Variants in UBN2 observed in about 807,000 individuals in gnomAD.
The protein encoded by UBN2 is ubinuclein 2, also known as ubinuclein-2.
Under a neutral mutation model 120.2 loss-of-function variants are expected in UBN2, and 35 were observed. The observed-to-expected ratio is 0.29, with a 90% confidence interval of 0.22 to 0.39. The LOEUF (loss-of-function observed/expected upper bound fraction) is 0.39. Among genes scored for constraint, UBN2 ranks in the 10% least tolerant of loss-of-function variants. UBN2 has a pLI of 1.00. For synonymous variants in UBN2, 661 were observed against 648.7 expected (o/e 1.02, Z -0.29); for missense variants, 1,693 against 1,663.2 (o/e 1.02, Z -0.31).
intron 15 of UBN2, among the ~76,000 whole-genome samples, chr7:139,289,547 G>A (rs1369024100): frequency 2.0e-5 from 3 of 151,776 alleles, no homozygotes; most frequent in African/African-American, 7.3e-5. Flanking sequence ...AAGTACCTGG[G>A]ATTACAGGCA....
intron 15 of UBN2, among the ~76,000 whole-genome samples, chr7:139,287,694 C>A (rs376584353): frequency 6.9e-6 from 1 of 144,400 alleles, no homozygotes; most frequent in East Asian, 2.0e-4. Flanking sequence ...TTCTGTCTTA[C>A]TGGTTTGACT....
chr7:139,241,246 C>CA (rs1297036240), intron 2 of UBN2, among the ~76,000 whole-genome samples: 1 of 152,118 alleles, frequency 6.6e-6, no homozygotes, highest in African/African-American at 2.4e-5. Flanking sequence ...TCCATTACCC[C>CA]AGCCGTTCTG....
chr7:139,291,374 A>C (rs1252768274), intron 15 of UBN2, among the ~76,000 whole-genome samples: 3 of 151,350 alleles, frequency 2.0e-5, no homozygotes, highest in Non-Finnish European at 2.9e-5. Flanking sequence ...AAAAAAAAAA[A>C]AAAAAAAACA....
At chr7:139,273,515 GATT>G in intron 10 of UBN2, 105 bp downstream of exon 10, 1 of 762,142 alleles carries the variant, frequency 1.3e-6, no homozygotes, top group African/African-American at 1.8e-5. Context: ...AGCAACCAAA[GATT>G]AGTGTGTAGG....
chr7:139,295,482 A>G (rs1798083911), intron 17 of UBN2, among the ~76,000 whole-genome samples: 1 of 152,188 alleles, frequency 6.6e-6, no homozygotes, highest in East Asian at 1.9e-4. Context: ...CAAGGAATTA[A>G]ACAAGCAGGA....
At chr7:139,329,186 A>AT in the UBN2 span, among the ~76,000 whole-genome samples, 864 of 134,756 alleles carry the variant, frequency 6.4e-3, 2 homozygotes, top group African/African-American at 9.2e-3. Flanking sequence ...TGAGCAAAAG[A>AT]TTTTTTTTTT....
At chr7:139,235,479 C>A (rs1208073278) in intron 1 of UBN2, among the ~76,000 whole-genome samples, 1 of 152,146 alleles carries the variant, frequency 6.6e-6, no homozygotes, top group Non-Finnish European at 1.5e-5. Flanking sequence ...CATCTCAGCT[C>A]ACTTGCAACT....
At chr7:139,261,048 G>A (rs1796915731) in intron 5 of UBN2, among the ~76,000 whole-genome samples, 1 of 152,086 alleles carries the variant, frequency 6.6e-6, no homozygotes, top group Non-Finnish European at 1.5e-5. Context: ...CACTGTAATG[G>A]CCATTTACCT....
intron 2 of UBN2, among the ~76,000 whole-genome samples, chr7:139,239,068 T>C (rs1796239945): frequency 6.6e-6 from 1 of 152,190 alleles, no homozygotes; most frequent in Non-Finnish European, 1.5e-5. Flanking sequence ...AAATCTTCCT[T>C]TTATTGTATT....
rs529019041 is a variant in UBN2 at position 139,247,578 on chromosome 7, G to A, written c.562-4378G>A. ...AGTTACTTGTCCTTTCCTAGCCTTC[G>A]TTTTCCCCATTTGTCAAATGTGAAA... On this transcript the variant is annotated intron_variant, in intron 2 of 17. Transcript: ENST00000473989. Among the ~76,000 whole-genome samples the A allele has an allele frequency of 7.9e-5, 12 of 152,196 alleles. No homozygotes were observed. In the South Asian group the frequency reaches 2.3e-3, roughly 29 times the overall value.
In UBN2 at chr7:139,299,797, A is replaced by T. The variant is rs907478980; in HGVS notation, c.*1961A>T. On this transcript the variant is annotated 3_prime_UTR_variant, in exon 18 of 18. Coordinates refer to ENST00000473989, the MANE Select transcript of UBN2 (RefSeq NM_173569.4). ...CTTGCCCAATTTTTTTAATTTTTTCAAATGTAGTGGACCTCTTGCTTTTAC... is the reference window on the plus strand; with the variant it reads ...CTTGCCCAATTTTTTTAATTTTTTCTAATGTAGTGGACCTCTTGCTTTTAC... The T allele has an allele frequency of 2.6e-5, 4 of 152,136 alleles. No homozygotes were observed. The highest frequency in any genetic ancestry group is 6.5e-5 in the Admixed American group (1 of 15,270). The allele number at this position is 152,136 out of a possible 1,614,324, so 9.4% of individuals were successfully genotyped here.
the UBN2 span, among the ~76,000 whole-genome samples, chr7:139,330,113 C>G: frequency 6.6e-6 from 1 of 152,124 alleles, no homozygotes. Flanking sequence ...TAGTGAAGCC[C>G]TTACAACACC....
At chr7:139,284,639 G>A in intron 15 of UBN2, 65 bp downstream of exon 15, 1 of 1,409,384 alleles carries the variant, frequency 7.1e-7, no homozygotes, top group Non-Finnish European at 9.5e-7. Flanking sequence ...TTTCTTGTGG[G>A]TAACTTTAAT....
chr7:139,274,660 G>T (rs1180150781), intron 11 of UBN2, among the ~76,000 whole-genome samples: 1 of 152,078 alleles, frequency 6.6e-6, no homozygotes, highest in African/African-American at 2.4e-5. Flanking sequence ...TACTAGGGAG[G>T]CTGAGACAGG....
chr7:139,250,418 A>T (rs1317034577), intron 2 of UBN2, among the ~76,000 whole-genome samples: 1 of 151,920 alleles, frequency 6.6e-6, no homozygotes, highest in African/African-American at 2.4e-5. Flanking sequence ...TTTTTAGTAT[A>T]GATGGGCCTC....
intron 12 of UBN2, among the ~76,000 whole-genome samples, chr7:139,278,495 T>A (rs1046297884): frequency 3.9e-5 from 6 of 152,104 alleles, no homozygotes; most frequent in African/African-American, 1.2e-4. Flanking sequence ...TCCCTTTTTT[T>A]AAATAGCTTC....
chr7:139,314,280 C>A, the UBN2 span, among the ~76,000 whole-genome samples: 1 of 151,034 alleles, frequency 6.6e-6, no homozygotes, highest in Non-Finnish European at 1.5e-5. Context: ...TATGGTGAAA[C>A]CCCATCTCTA....
chr7:139,293,780 C>A, intron 16 of UBN2, 109 bp from the exon 17 acceptor site: 1 of 1,013,966 alleles, frequency 9.9e-7, no homozygotes, highest in Non-Finnish European at 1.5e-6. Context: ...TTTAGAAGGC[C>A]TTCGAAGTCA....
intron 3 of UBN2, among the ~76,000 whole-genome samples, chr7:139,255,675 G>A (rs1212478266): frequency 6.6e-6 from 1 of 151,778 alleles, no homozygotes; most frequent in African/African-American, 2.4e-5. Flanking sequence ...AACTATGGTC[G>A]AACCAAATGA....
Sources: allele counts gnomAD v4.1 joint callset (sites outside exome capture counted in the v4.1 genomes callset), GRCh38; gene constraint gnomAD v4.1.1; transcripts MANE v1.5; gene names NCBI Gene and HGNC (gene_info 2026-07-23, HGNC 2026-07-21).